Variants in PPFIBP2 observed in about 807,000 individuals in gnomAD.
PPFIBP2 encodes PPFIB scaffold protein 2.
PPFIBP2 carries 118 observed loss-of-function variants against 118.3 expected under a neutral mutation model. The ratio of observed to expected loss-of-function variants is 1.00; its 90% CI spans 0.86 to 1.16. The LOEUF is 1.16. Ranked by LOEUF, PPFIBP2 falls within the 50% of genes most tolerant of loss-of-function variation. PPFIBP2 has a pLI of 0.00. For synonymous variants in PPFIBP2, 414 were observed against 397.4 expected (o/e 1.04, Z -0.50); for missense variants, 1,195 against 1,073.1 (o/e 1.11, Z -1.59).
chr11:7,649,719 A>T, intron 21 of PPFIBP2, 65 bp downstream of exon 21: 3 of 1,593,122 alleles, frequency 1.9e-6, no homozygotes. Context: ...ATCGAGCATG[A>T]GCAAACAAGA....
intron 1 of PPFIBP2, among the ~76,000 whole-genome samples, chr11:7,520,308 C>T (rs1297036928): frequency 1.3e-5 from 2 of 152,056 alleles, no homozygotes; most frequent in South Asian, 2.1e-4. Context: ...TCAGGGGGTA[C>T]GTGTCTTCCG....
At chr11:7,665,487 G>T in the PPFIBP2 span, 12 of 1,613,842 alleles carry the variant, frequency 7.4e-6, no homozygotes, top group Admixed American at 1.7e-5. Context: ...GACTTCGCTG[G>T]AGGAGGAAGG....
chr11:7,517,061 T>C (rs1317053192), intron 1 of PPFIBP2, among the ~76,000 whole-genome samples: 1 of 152,224 alleles, frequency 6.6e-6, no homozygotes, highest in Admixed American at 6.5e-5. Flanking sequence ...ATCGTGTCGT[T>C]GTAGCAGGAG....
Position 7,628,298 on chromosome 11 carries a change from A to G in PPFIBP2, c.840A>G (p.Gln280=). ...GAATTCTTTTAGACCAAGAAATTCA[A>G]CGTCTGAAAATGGGGATGGAAACTT... ...ESHTERDQEI[Q]RLKMGMETLL... Residue 280 remains glutamine (Q), a synonymous_variant, in exon 9 of 24, where the codon CAA becomes CAG. Coordinates refer to ENST00000299492, the MANE Select transcript of PPFIBP2 (RefSeq NM_003621.5). 7.4e-6 allele frequency: 12 copies of G among 1,613,866 alleles called. No individual in the cohort carries two copies. Among genetic ancestry groups the G allele is most frequent in the Non-Finnish European group, 1.0e-5 (12 of 1,179,798 alleles).
intron 1 of PPFIBP2, among the ~76,000 whole-genome samples, chr11:7,545,302 C>T (rs945951798): frequency 2.6e-4 from 40 of 152,140 alleles, no homozygotes; most frequent in African/African-American, 9.7e-4. Context: ...TGGTGGTACA[C>T]ACCCATAATC....
intron 1 of PPFIBP2, among the ~76,000 whole-genome samples, chr11:7,518,869 C>T (rs1038998708): frequency 4.6e-5 from 7 of 152,040 alleles, no homozygotes; most frequent in East Asian, 1.9e-4. Context: ...GGCGCTCGAG[C>T]GAGTATGGGC....
chr11:7,594,820 C>A (rs969339578), intron 4 of PPFIBP2, among the ~76,000 whole-genome samples: 5 of 146,470 alleles, frequency 3.4e-5, no homozygotes, highest in East Asian at 2.0e-4. Flanking sequence ...GGAAGGCTGA[C>A]GTAGGAGAAT....
intron 3 of PPFIBP2, chr11:7,577,336 T>TGTGTGCGTGTGTGTGTGC: frequency 3.2e-6 from 1 of 311,812 alleles, no homozygotes; most frequent in Non-Finnish European, 6.4e-6. Context: ...TGTGTGTGTG[T>TGTGTGCGTGTGTGTGTGC]GTGTGTGTGT....
chr11:7,650,845 C>T lies in PPFIBP2; in HGVS notation c.2127C>T (p.Asn709=). ...TCTCCTTCTCCCTCTGACAGAGTAA[C>T]CTTTCTCCTTCAGAAGTTGTACAGT... ...CLHRRPADES[N]LSPSEVVQWS... Residue 709 remains asparagine (N), a synonymous_variant, in exon 22 of 24, where the codon AAC becomes AAT. Transcript: ENST00000299492. The T allele has an allele frequency of 6.2e-7, 1 of 1,613,772 alleles. No individual in the cohort carries two copies. The highest frequency in any genetic ancestry group is 8.5e-7 in the Non-Finnish European group (1 of 1,179,768).
chr11:7,645,026 CAAAAAAAAAAAAAAAAAAAA>C (rs57087700), intron 17 of PPFIBP2, among the ~76,000 whole-genome samples: 6 of 81,814 alleles, frequency 7.3e-5, no homozygotes, highest in East Asian at 5.9e-4. Context: ...GACTCCGTCT[CAAAAAAAAAAAAAAAAAAAA>C]AAAAAAAAAA....
chr11:7,545,533 A>G (rs1852235978), intron 1 of PPFIBP2, among the ~76,000 whole-genome samples: 1 of 152,194 alleles, frequency 6.6e-6, no homozygotes, highest in African/African-American at 2.4e-5. Flanking sequence ...TTAATCTCTT[A>G]CTGTGCCGTG....
At chr11:7,577,721 C>G (rs6578880) in intron 3 of PPFIBP2, 283,681 of 454,242 alleles carry the variant, frequency 0.62, 89,326 homozygotes, top group African/African-American at 0.76. Context: ...GTGTGTGTGC[C>G]TGTGTGTGGT....
chr11:7,562,976 T>TATATATATACACAC (rs1554953438), intron 2 of PPFIBP2, among the ~76,000 whole-genome samples: 2 of 100,466 alleles, frequency 2.0e-5, no homozygotes, highest in African/African-American at 6.6e-5. Flanking sequence ...TATATATATA[T>TATATATATACACAC]ACACGCACAC....
In PPFIBP2 at chr11:7,600,391, A is replaced by G. The variant is rs143113255; in HGVS notation, c.486+2718A>G. Reference sequence around the variant, plus strand: ...TGTGAAGACACTTGATTCTTGCACCACAGTGCTGATGCAATATCTCTGGCT... The same window carrying G: ...TGTGAAGACACTTGATTCTTGCACCGCAGTGCTGATGCAATATCTCTGGCT... On this transcript the variant is annotated intron_variant, in intron 5 of 23. Coordinates refer to ENST00000299492, the MANE Select transcript of PPFIBP2 (RefSeq NM_003621.5). Among the ~76,000 whole-genome samples, 100 of 152,358 alleles carry G rather than the reference A, an allele frequency of 6.6e-4. 3 individuals are homozygous for G. The South Asian group carries it at 0.02, about 30-fold the overall frequency.
intron 3 of PPFIBP2, among the ~76,000 whole-genome samples, chr11:7,591,109 C>CT (rs143577367): frequency 2.6e-5 from 4 of 151,894 alleles, no homozygotes; most frequent in Non-Finnish European, 4.4e-5. Flanking sequence ...CTTTCTTACT[C>CT]TTTTTTTTGT....
chr11:7,556,853 C>T (rs934515831), intron 2 of PPFIBP2, among the ~76,000 whole-genome samples: 41 of 152,156 alleles, frequency 2.7e-4, no homozygotes, highest in African/African-American at 9.9e-4. Flanking sequence ...TGTCTTCTGT[C>T]TCTGGTTGTT....
intron 4 of PPFIBP2, among the ~76,000 whole-genome samples, chr11:7,596,239 G>T (rs78949448): frequency 2.0e-5 from 3 of 152,208 alleles, no homozygotes; most frequent in Admixed American, 1.3e-4. Context: ...CTGGATTCCA[G>T]TGAGCAAAGC....
the PPFIBP2 span, among the ~76,000 whole-genome samples, chr11:7,662,507 T>C: frequency 8.3e-3 from 1,255 of 151,812 alleles, 25 homozygotes; most frequent in African/African-American, 0.028. Flanking sequence ...GGGTTTCTGC[T>C]GAGAGATCCG....
intron 3 of PPFIBP2, among the ~76,000 whole-genome samples, chr11:7,585,524 C>T (rs892757393): frequency 6.6e-6 from 1 of 152,202 alleles, no homozygotes; most frequent in Non-Finnish European, 1.5e-5. Context: ...TACAGAACTG[C>T]CCTCATCCAG....
Sources: gnomAD v4.1 joint callset for allele counts (sites outside exome capture counted in the v4.1 genomes callset) on GRCh38, gnomAD v4.1.1 for gene constraint, MANE v1.5 for transcripts, NCBI Gene and HGNC (gene_info 2026-07-23, HGNC 2026-07-21) for gene names.